NFIB: variants seen among roughly 807,000 people sequenced by gnomAD.
The protein encoded by NFIB is nuclear factor I B, also known as nuclear factor 1 B-type.
A neutral mutation model predicts 61.5 loss-of-function variants in NFIB; 11 were observed. The ratio of observed to expected loss-of-function variants is 0.18; its 90% CI spans 0.11 to 0.30. NFIB has a LOEUF of 0.30. Among genes scored for constraint, NFIB ranks in the 10% least tolerant of loss-of-function variants. The pLI is 1.00. For synonymous variants in NFIB, 260 were observed against 216.5 expected (o/e 1.20, Z -1.76); for missense variants, 471 against 608.9 (o/e 0.77, Z 2.38).
At chr9:14,201,499 TC>T (rs146709601) in intron 2 of NFIB, among the ~76,000 whole-genome samples, 8,791 of 152,294 alleles carry the variant, frequency 0.058, 351 homozygotes, top group Non-Finnish European at 0.084. Flanking sequence ...GCCTAATTCA[TC>T]TTTAAAAGCT....
rs531800590 is a variant in NFIB, at chr9:14,185,770, A to G, written c.563-5990T>C. On this transcript the variant is annotated intron_variant, in intron 2 of 10. Coordinates refer to ENST00000380953, the MANE Select transcript of NFIB (RefSeq NM_001190737.2). The stretch of plus-strand genomic sequence containing the variant: ...ATTTCTTGTGGCAAGCCAGGGAAAC[A>G]GACACACAATTCCCAGGGCTAAGTC... Among the ~76,000 whole-genome samples the G allele has an allele frequency of 4.6e-5, 7 of 152,332 alleles. No homozygotes were observed. In the East Asian group the frequency reaches 1.4e-3, roughly 29 times the overall value.
the NFIB span, among the ~76,000 whole-genome samples, chr9:14,515,129 T>C: frequency 1.3e-5 from 2 of 151,690 alleles, no homozygotes; most frequent in African/African-American, 4.8e-5. Context: ...TAGAAAAAAC[T>C]TGGAGATTGG....
chr9:14,116,829 G>C (rs1462262612), intron 8 of NFIB, among the ~76,000 whole-genome samples: 2 of 152,108 alleles, frequency 1.3e-5, no homozygotes, highest in Non-Finnish European at 2.9e-5. Context: ...AAAATATCTA[G>C]GAGATCAAAT....
chr9:14,150,233 G>C lies in NFIB; in HGVS notation c.718C>G (p.Pro240Ala). The C allele has an allele frequency of 6.2e-7, 1 of 1,613,416 alleles. No individual in the cohort carries two copies. Among genetic ancestry groups the C allele is most frequent in the East Asian group, 2.2e-5 (1 of 44,848 alleles). Residue 240 changes from proline to alanine, a missense_variant, in exon 5 of 11, where the codon CCA (proline) becomes GCA (alanine). Coordinates refer to ENST00000380953, the MANE Select transcript of NFIB (RefSeq NM_001190737.2). ...PITQGTGVNFPIGEIPSQPYY... is the reference protein window; with the variant it reads ...PITQGTGVNFAIGEIPSQPYY... ...GGTTGGCTTGGGATTTCTCCAATTG[G>C]GAAGTTGACTCCAGTTCCCTGGGTT...
chr9:14,121,487 C>T (rs141335296), intron 7 of NFIB, among the ~76,000 whole-genome samples: 99 of 152,290 alleles, frequency 6.5e-4, no homozygotes, highest in African/African-American at 2.3e-3. Context: ...AAGACAATAA[C>T]TAATACAACA....
intron 3 of NFIB, among the ~76,000 whole-genome samples, chr9:14,179,458 A>T (rs2046517250): frequency 6.6e-6 from 1 of 152,258 alleles, no homozygotes. Flanking sequence ...TTTAGCACCT[A>T]AAAGATACAC....
chr9:14,318,023 A>G (rs1026842958), upstream of NFIB, among the ~76,000 whole-genome samples: 24 of 152,118 alleles, frequency 1.6e-4, no homozygotes, highest in African/African-American at 5.8e-4. Flanking sequence ...TAAACTCTTC[A>G]TCTCTCCCTC....
intron 2 of NFIB, among the ~76,000 whole-genome samples, chr9:14,198,427 T>G (rs547009718): frequency 6.6e-6 from 1 of 152,222 alleles, no homozygotes; most frequent in Non-Finnish European, 1.5e-5. Context: ...TTCAGAAAAG[T>G]GTTTGTTGTC....
chr9:14,152,219 T>C (rs1412005940), intron 4 of NFIB, among the ~76,000 whole-genome samples: 1 of 152,082 alleles, frequency 6.6e-6, no homozygotes, highest in Non-Finnish European at 1.5e-5. Flanking sequence ...AGATTGTTCA[T>C]GTTATATAAT....
the NFIB span, among the ~76,000 whole-genome samples, chr9:14,434,008 C>G: frequency 6.6e-6 from 1 of 152,170 alleles, no homozygotes; most frequent in Non-Finnish European, 1.5e-5. Context: ...TATACGATCA[C>G]GGCAAGCTAC....
chr9:14,227,540 T>C (rs1196628007), intron 2 of NFIB, among the ~76,000 whole-genome samples: 1 of 152,230 alleles, frequency 6.6e-6, no homozygotes, highest in Non-Finnish European at 1.5e-5. Flanking sequence ...GAATTAGTTA[T>C]TTTCCCTGAA....
At chr9:14,471,857 T>C in the NFIB span, among the ~76,000 whole-genome samples, 5 of 152,200 alleles carry the variant, frequency 3.3e-5, no homozygotes, top group Non-Finnish European at 5.9e-5. Flanking sequence ...ACAGGAATAA[T>C]TGCCCCTGAA....
At chr9:14,222,256 T>A (rs1398323986) in intron 2 of NFIB, among the ~76,000 whole-genome samples, 1 of 152,174 alleles carries the variant, frequency 6.6e-6, no homozygotes, top group Non-Finnish European at 1.5e-5. Flanking sequence ...CTCCCCATTA[T>A]CTACCATGGA....
the NFIB span, among the ~76,000 whole-genome samples, chr9:14,442,364 G>C: frequency 6.6e-6 from 1 of 152,122 alleles, no homozygotes; most frequent in Admixed American, 6.5e-5. Context: ...CTTCCACAAG[G>C]GGTCGTTGAG....
chr9:14,530,204 T>C, the NFIB span, among the ~76,000 whole-genome samples: 1 of 152,172 alleles, frequency 6.6e-6, no homozygotes, highest in African/African-American at 2.4e-5. Context: ...TTCCAAGCCT[T>C]GGTATTGTCA....
chr9:14,431,638 T>G, the NFIB span, among the ~76,000 whole-genome samples: 388 of 151,890 alleles, frequency 2.6e-3, 2 homozygotes, highest in African/African-American at 5.6e-3. Context: ...GTTTTGTTTT[T>G]TTTTTTTTTT....
rs557332374 is a variant in NFIB at position 14,225,248 on chromosome 9, T to TA, written c.563-45469dup. Among the ~76,000 whole-genome samples the TA allele has an allele frequency of 2.6e-4, 40 of 152,048 alleles. No individual in the cohort carries two copies. The South Asian group carries it at 7.5e-3, about 28-fold the overall frequency. On this transcript the variant is annotated intron_variant, in intron 2 of 10. Transcript: ENST00000380953. ...GAATCTTCTTATCTCAAGAATGCTATAAAAAAATATATAAATCCCATTCTT... is the reference window on the plus strand; with the variant it reads ...GAATCTTCTTATCTCAAGAATGCTATAAAAAAAATATATAAATCCCATTCTT...
At chr9:14,252,920 A>C (rs1344446663) in intron 2 of NFIB, among the ~76,000 whole-genome samples, 1 of 136,172 alleles carries the variant, frequency 7.3e-6, no homozygotes, top group Non-Finnish European at 1.6e-5. Context: ...GTAAGAAAAG[A>C]CTGGTGATGG....
the NFIB span, among the ~76,000 whole-genome samples, chr9:14,415,969 A>G: frequency 3.3e-5 from 5 of 152,222 alleles, no homozygotes; most frequent in African/African-American, 1.2e-4. Flanking sequence ...AAATACATAC[A>G]GGATTATTAT....
Sources: allele counts gnomAD v4.1 joint callset (sites outside exome capture counted in the v4.1 genomes callset), GRCh38; gene constraint gnomAD v4.1.1; transcripts MANE v1.5; gene names NCBI Gene and HGNC (gene_info 2026-07-23, HGNC 2026-07-21).